The following ENOX2 variants were observed in gnomAD, a reference collection of about 807,000 sequenced individuals.
ENOX2 encodes ecto-NOX disulfide-thiol exchanger 2.
ENOX2 carries 36 observed loss-of-function variants against 45.0 expected under a neutral mutation model. That is an observed-to-expected ratio of 0.80 (90% CI 0.61 to 1.06). The LOEUF is 1.06. Ranked by LOEUF, ENOX2 falls within the 50% of genes least tolerant of loss-of-function variation. ENOX2 has a pLI of 0.00. For missense variants in ENOX2, 423 were observed against 462.5 expected, an observed-to-expected ratio of 0.91 and a Z score of 0.78; for synonymous variants, 174 against 152.3, an observed-to-expected ratio of 1.14 and a Z score of -1.05.
At chrX:130,788,936 C>T (rs1219334430) in intron 2 of ENOX2, among the ~76,000 whole-genome samples, 2 of 111,817 alleles carry the variant, frequency 1.8e-5, no homozygotes, top group Non-Finnish European at 3.8e-5. Context: ...GTAACGTAAT[C>T]TCATCTAAAA....
intron 10 of ENOX2, among the ~76,000 whole-genome samples, chrX:130,638,752 CT>C (rs1470030365): frequency 8.9e-6 from 1 of 111,852 alleles, no homozygotes; most frequent in Non-Finnish European, 1.9e-5. Flanking sequence ...TGAGCAGAAA[CT>C]TCCATGGGAC....
chrX:130,692,307 C>A (rs1004642096), intron 4 of ENOX2, among the ~76,000 whole-genome samples: 4 of 113,332 alleles, frequency 3.5e-5, no homozygotes, highest in Non-Finnish European at 7.5e-5. Context: ...GAATTATCTC[C>A]CTTTTCCAGG....
At chrX:130,776,322 T>A (rs1034794837) in intron 3 of ENOX2, among the ~76,000 whole-genome samples, 3 of 111,850 alleles carry the variant, frequency 2.7e-5, no homozygotes, top group African/African-American at 9.8e-5. Context: ...AGGTATTTGT[T>A]CCTGCCCAAA....
At chrX:130,829,646 T>C (rs886862180) in intron 2 of ENOX2, among the ~76,000 whole-genome samples, 2 of 111,568 alleles carry the variant, frequency 1.8e-5, no homozygotes, top group African/African-American at 6.5e-5. Context: ...GTACAGTACA[T>C]GCCAGAAACT....
chrX:130,759,143 A>C (rs764101938), intron 3 of ENOX2, among the ~76,000 whole-genome samples: 2 of 110,895 alleles, frequency 1.8e-5, no homozygotes, highest in South Asian at 7.7e-4. Context: ...AGGTCCTGAA[A>C]ATTTTCTTCT....
chrX:130,815,417 C>T (rs1043803003), intron 2 of ENOX2, among the ~76,000 whole-genome samples: 3 of 111,315 alleles, frequency 2.7e-5, no homozygotes, highest in Non-Finnish European at 5.7e-5. Flanking sequence ...AGATACTCCT[C>T]GAGAAGAGCA....
At chrX:130,688,652 A>G (rs1325819594) in intron 5 of ENOX2, among the ~76,000 whole-genome samples, 4 of 111,902 alleles carry the variant, frequency 3.6e-5, no homozygotes, top group Non-Finnish European at 7.5e-5. Flanking sequence ...AACATGTATC[A>G]TTTGTACTGC....
chrX:130,684,082 G>A (rs1051991069), intron 5 of ENOX2, among the ~76,000 whole-genome samples: 1 of 112,593 alleles, frequency 8.9e-6, no homozygotes, highest in African/African-American at 3.2e-5. Context: ...TATAGTGCCT[G>A]CTCCAGAGAA....
intron 3 of ENOX2, among the ~76,000 whole-genome samples, chrX:130,760,116 T>C (rs1261778359): frequency 8.9e-6 from 1 of 112,034 alleles, no homozygotes; most frequent in Non-Finnish European, 1.9e-5. Context: ...TCATTTCTAA[T>C]ATAGATAAAT....
chrX:130,878,417 A>G (rs768314988), intron 2 of ENOX2, among the ~76,000 whole-genome samples: 91 of 111,570 alleles, frequency 8.2e-4, no homozygotes, highest in African/African-American at 2.8e-3. Flanking sequence ...TGAGATGGGG[A>G]GAGACACTAC....
At chrX:130,891,198 T>C (rs2078977137) in intron 2 of ENOX2, among the ~76,000 whole-genome samples, 1 of 110,198 alleles carries the variant, frequency 9.1e-6, no homozygotes, top group African/African-American at 3.3e-5. Flanking sequence ...TAAATAAAAT[T>C]TTAAAAAGTT....
At chrX:130,727,877 G>C (rs2038642672) in intron 3 of ENOX2, among the ~76,000 whole-genome samples, 1 of 112,034 alleles carries the variant, frequency 8.9e-6, no homozygotes, top group African/African-American at 3.2e-5. Context: ...CACTATTAGA[G>C]AGTTACTATT....
At chrX:130,695,345 T>G (rs983290867) in intron 4 of ENOX2, among the ~76,000 whole-genome samples, 6 of 112,067 alleles carry the variant, frequency 5.4e-5, no homozygotes, top group South Asian at 3.8e-4. Context: ...ATTGTGGCCA[T>G]GTATCAATTG....
chrX:130,791,217 G>C (rs945326057), intron 2 of ENOX2, among the ~76,000 whole-genome samples: 21 of 111,487 alleles, frequency 1.9e-4, no homozygotes, highest in African/African-American at 6.9e-4. Flanking sequence ...TTGTGTTACA[G>C]TTCTTTGGGT....
At chrX:130,815,125 G>A (rs2077459355) in intron 2 of ENOX2, among the ~76,000 whole-genome samples, 2 of 111,506 alleles carry the variant, frequency 1.8e-5, no homozygotes, top group South Asian at 3.8e-4. Flanking sequence ...TAGCCGAGTC[G>A]ATCAAGAGGA....
At position 130,760,623 on chromosome X, in the gene ENOX2, T is replaced by C. The variant is rs191610002; in HGVS notation, c.-39+22924A>G. Among the ~76,000 whole-genome samples the C allele has an allele frequency of 3.8e-4, 41 of 106,799 alleles. No homozygotes were observed. The East Asian group carries it at 9.8e-3, about 25-fold the overall frequency. The allele number at this position is 106,799 out of a possible 115,157, so 92.7% of individuals were successfully genotyped here. A position where few individuals can be genotyped will look rare whatever the true frequency, so the allele number is the denominator to read the frequency against. On this transcript the variant is annotated intron_variant, in intron 3 of 14. Transcript: ENST00000394363. ...CAATATGGTGAAACCTTGTCTCTAC[T>C]AAAAATACAAAAATTAGCCAGGCGT... is the stretch of plus-strand genomic sequence containing the variant.
chrX:130,853,396 A>G (rs1185713073), intron 2 of ENOX2, among the ~76,000 whole-genome samples: 1 of 99,845 alleles, frequency 1.0e-5, no homozygotes, highest in Non-Finnish European at 2.0e-5. Context: ...CCCGGGAGGC[A>G]GAGGTTGCAG....
At chrX:130,763,834 C>T (rs2039551195) in intron 3 of ENOX2, among the ~76,000 whole-genome samples, 1 of 110,899 alleles carries the variant, frequency 9.0e-6, no homozygotes, top group Admixed American at 9.5e-5. Context: ...TCTATGCTCC[C>T]TACTTGGTTG....
At chrX:130,781,987 A>G (rs2076904975) in intron 3 of ENOX2, among the ~76,000 whole-genome samples, 1 of 111,463 alleles carries the variant, frequency 9.0e-6, no homozygotes, top group Non-Finnish European at 1.9e-5. Flanking sequence ...TTTTTAGTAA[A>G]CCCTTAAAAA....
Sources: gnomAD v4.1 joint callset for allele counts (sites outside exome capture counted in the v4.1 genomes callset) on GRCh38, gnomAD v4.1.1 for gene constraint, MANE v1.5 for transcripts, NCBI Gene and HGNC (gene_info 2026-07-23, HGNC 2026-07-21) for gene names.